Variants in PSD3 observed in about 807,000 individuals in gnomAD.
PSD3 encodes the protein PH and SEC7 domain-containing protein 3.
A neutral mutation model predicts 105.5 loss-of-function variants in PSD3; 49 were observed. The observed-to-expected ratio is 0.46, with a 90% confidence interval of 0.37 to 0.59. The LOEUF is 0.59. Among genes scored for constraint, PSD3 ranks in the 20% least tolerant of loss-of-function variants. The probability of loss-of-function intolerance (pLI) is 0.00; values close to 1 mark genes in which losing one functional copy is unlikely to be tolerated. For missense variants in PSD3, 1,561 were observed against 1,263.8 expected, an observed-to-expected ratio of 1.24 and a Z score of -3.57; for synonymous variants, 557 against 457.8, an observed-to-expected ratio of 1.22 and a Z score of -2.77.
rs369559813 is a variant in PSD3 at position 18,845,339 on chromosome 8, G to A, written c.1634+22335C>T. Among the ~76,000 whole-genome samples the A allele has an allele frequency of 7.2e-5, 11 of 152,238 alleles. No individual in the cohort carries two copies. The East Asian group carries it at 1.9e-3, about 27-fold the overall frequency. On this transcript the variant is annotated intron_variant, in intron 4 of 15. Coordinates refer to ENST00000327040, the MANE Select transcript of PSD3 (RefSeq NM_015310.4). ...ACCCTGCGTCTCCTGGAGTGGATGG[G>A]GTCCCCTAGGCCTTTGGCGGCTGCA...
chr8:18,603,737 G>C (rs115772112), intron 11 of PSD3, among the ~76,000 whole-genome samples: 5 of 152,158 alleles, frequency 3.3e-5, no homozygotes, highest in East Asian at 3.9e-4. Flanking sequence ...TCCGCTTCTC[G>C]TGACACTGAG....
chr8:18,954,746 T>C (rs1401321885), intron 1 of PSD3, among the ~76,000 whole-genome samples: 9 of 152,134 alleles, frequency 5.9e-5, no homozygotes, highest in Non-Finnish European at 2.9e-5. Flanking sequence ...ATATTCTGTT[T>C]TCGCAGGCCT....
At chr8:18,633,452 T>A (rs952724906) in intron 10 of PSD3, among the ~76,000 whole-genome samples, 7 of 152,088 alleles carry the variant, frequency 4.6e-5, no homozygotes, top group Admixed American at 3.3e-4. Context: ...ATTGTTCCCA[T>A]CTTTATGTCC....
chr8:18,660,958 C>T (rs565762239), intron 9 of PSD3, among the ~76,000 whole-genome samples: 2 of 152,232 alleles, frequency 1.3e-5, no homozygotes, highest in South Asian at 2.1e-4. Flanking sequence ...AATTTTAAGT[C>T]GTTGTTCCTC....
chr8:18,821,655 C>A (rs1274763119), intron 4 of PSD3, among the ~76,000 whole-genome samples: 2 of 149,226 alleles, frequency 1.3e-5, no homozygotes, highest in Non-Finnish European at 3.0e-5. Context: ...ATAGCAATGT[C>A]ATTTTAATTC....
At chr8:18,709,841 A>C (rs183293478) in intron 9 of PSD3, among the ~76,000 whole-genome samples, 10 of 152,364 alleles carry the variant, frequency 6.6e-5, no homozygotes, top group Admixed American at 6.5e-4. Flanking sequence ...GCCAAAGGCC[A>C]GCAGCCTCAA....
intron 10 of PSD3, among the ~76,000 whole-genome samples, chr8:18,648,499 C>T (rs1808225890): frequency 6.6e-6 from 1 of 152,180 alleles, no homozygotes; most frequent in African/African-American, 2.4e-5. Context: ...AAAGAAGTAA[C>T]CTGGCTGCTT....
At chr8:18,999,705 A>C (rs1026539390) in intron 1 of PSD3, among the ~76,000 whole-genome samples, 5 of 151,882 alleles carry the variant, frequency 3.3e-5, no homozygotes, top group African/African-American at 1.2e-4. Flanking sequence ...ATAAAATACA[A>C]ATATTCATGA....
At chr8:19,070,877 C>T (rs959343817) in intron 1 of PSD3, among the ~76,000 whole-genome samples, 1 of 152,116 alleles carries the variant, frequency 6.6e-6, no homozygotes, top group South Asian at 2.1e-4. Context: ...GTGTATTCAT[C>T]CATTTTTGTA....
chr8:18,914,621 C>G (rs950286919), intron 2 of PSD3, among the ~76,000 whole-genome samples: 3 of 152,040 alleles, frequency 2.0e-5, no homozygotes, highest in Non-Finnish European at 2.9e-5. Flanking sequence ...GTAACACCTA[C>G]AAAAAGTAAA....
intron 2 of PSD3, among the ~76,000 whole-genome samples, chr8:18,922,591 C>T (rs985133056): frequency 5.3e-5 from 8 of 152,136 alleles, no homozygotes; most frequent in African/African-American, 1.9e-4. Context: ...AATTCAACTG[C>T]AATACTATCT....
intron 9 of PSD3, among the ~76,000 whole-genome samples, chr8:18,760,399 T>C (rs1020761682): frequency 3.3e-5 from 5 of 151,854 alleles, no homozygotes; most frequent in African/African-American, 1.2e-4. Context: ...TTTGTTTAAA[T>C]CCCCACCATC....
intron 1 of PSD3, among the ~76,000 whole-genome samples, chr8:19,079,639 A>G (rs77912777): frequency 0.033 from 5,086 of 152,222 alleles, 276 homozygotes; most frequent in African/African-American, 0.11. Flanking sequence ...TCAACTCGTA[A>G]TAGGGGACTT....
intron 9 of PSD3, among the ~76,000 whole-genome samples, chr8:18,677,469 C>T (rs887293194): frequency 6.6e-6 from 1 of 152,048 alleles, no homozygotes; most frequent in African/African-American, 2.4e-5. Flanking sequence ...TGCCTGAACC[C>T]AGGAGGCAGA....
At chr8:19,009,485 T>C (rs552425521) in intron 1 of PSD3, among the ~76,000 whole-genome samples, 12 of 152,304 alleles carry the variant, frequency 7.9e-5, no homozygotes, top group African/African-American at 2.6e-4. Context: ...ACCTCATGGG[T>C]TGTCATGGGG....
At chr8:18,964,233 C>G (rs1220270047) in intron 1 of PSD3, among the ~76,000 whole-genome samples, 1 of 152,122 alleles carries the variant, frequency 6.6e-6, no homozygotes, top group East Asian at 1.9e-4. Context: ...CATGTGACCT[C>G]CCACCTCAGC....
chr8:18,968,296 G>T (rs1386628785), intron 1 of PSD3, among the ~76,000 whole-genome samples: 2 of 152,122 alleles, frequency 1.3e-5, no homozygotes, highest in African/African-American at 4.8e-5. Flanking sequence ...TGACACTGAG[G>T]CAAAGTTTAC....
chr8:19,061,174 C>A (rs969874395), intron 1 of PSD3, among the ~76,000 whole-genome samples: 3 of 152,108 alleles, frequency 2.0e-5, no homozygotes, highest in East Asian at 1.9e-4. Flanking sequence ...TATATAAAAT[C>A]GTAGTTGACT....
chr8:18,752,572 T>A (rs1563225551), intron 9 of PSD3, among the ~76,000 whole-genome samples: 8 of 61,636 alleles, frequency 1.3e-4, no homozygotes, highest in African/African-American at 5.7e-4. Flanking sequence ...ATATTATATA[T>A]ATAATTATAT....
Sources: allele counts gnomAD v4.1 joint callset (sites outside exome capture counted in the v4.1 genomes callset), GRCh38; gene constraint gnomAD v4.1.1; transcripts MANE v1.5; gene names NCBI Gene and HGNC (gene_info 2026-07-23, HGNC 2026-07-21).